Variants in GINS1 observed in about 807,000 individuals in gnomAD.
The protein encoded by GINS1 is GINS complex subunit 1, also known as DNA replication complex GINS protein PSF1.
In GINS1, 26 loss-of-function variants were observed where a neutral mutation model predicts 34.9. The observed-to-expected ratio is 0.74, with a 90% CI of 0.55 to 1.03. The LOEUF (loss-of-function observed/expected upper bound fraction) is 1.03, where lower values mean the gene tolerates loss of function less well. Ranked by LOEUF, GINS1 falls within the 50% of genes least tolerant of loss-of-function variation. GINS1 has a pLI of 0.00. For missense variants in GINS1, 235 were observed against 237.9 expected (o/e 0.99, Z 0.08); for synonymous variants, 97 against 84.4 (o/e 1.15, Z -0.82).
intron 5 of GINS1, among the ~76,000 whole-genome samples, chr20:25,439,321 G>A (rs1245385983): frequency 6.6e-6 from 1 of 152,038 alleles, no homozygotes; most frequent in Non-Finnish European, 1.5e-5. Flanking sequence ...GGAAACTCAG[G>A]GACAAAGGAA....
intron 2 of GINS1, among the ~76,000 whole-genome samples, chr20:25,414,916 G>T (rs555639189): frequency 6.6e-5 from 10 of 152,268 alleles, no homozygotes; most frequent in Admixed American, 2.0e-4. Flanking sequence ...GTCCAGAGAG[G>T]TGACTAGATT....
intron 4 of GINS1, among the ~76,000 whole-genome samples, chr20:25,421,346 A>C (rs1191749794): frequency 6.6e-6 from 1 of 152,218 alleles, no homozygotes; most frequent in East Asian, 1.9e-4. Flanking sequence ...GTAAAAGCAG[A>C]GCTAAAATAA....
chr20:25,443,863 T>C (rs866552116), intron 6 of GINS1, among the ~76,000 whole-genome samples: 24 of 152,202 alleles, frequency 1.6e-4, no homozygotes, highest in African/African-American at 4.8e-4. Context: ...AAAGAAACAA[T>C]ATCAGCCACA....
chr20:25,445,850 AT>A, intron 6 of GINS1, 72 bp from the exon 7 acceptor site: 2 of 960,650 alleles, frequency 2.1e-6, no homozygotes. Context: ...CTTTTTAATG[AT>A]ACAAGAAATA....
chr20:25,435,972 C>T (rs1456463444), intron 5 of GINS1, among the ~76,000 whole-genome samples: 2 of 136,002 alleles, frequency 1.5e-5, no homozygotes, highest in Non-Finnish European at 3.2e-5. Flanking sequence ...GCCACCATGC[C>T]CAGCTAATTT....
Position 25,407,987 on chromosome 20 carries a change from C to T in GINS1, c.75+92C>T, listed in dbSNP as rs542459697. The T allele has an allele frequency of 1.7e-5, 15 of 892,396 alleles. No homozygotes were observed. The South Asian group carries it at 1.7e-4, about 10-fold the overall frequency. The allele number at this position is 892,396 out of a possible 1,614,324, so 55.3% of individuals were successfully genotyped here. A position where few individuals can be genotyped will look rare whatever the true frequency, so the allele number is the denominator to read the frequency against. On this transcript the variant is annotated intron_variant, in intron 1 of 6. Transcript: ENST00000262460. ...TCCCCGTCAGGGTTCACTTTCGCAC[C>T]TTGTTCCCTCCGAGCTCCGGAAAAC...
At chr20:25,426,115 A>G (rs975013710) in intron 5 of GINS1, among the ~76,000 whole-genome samples, 12 of 151,394 alleles carry the variant, frequency 7.9e-5, no homozygotes, top group African/African-American at 2.7e-4. Context: ...GTGGAATCAT[A>G]TAGTATTTGT....
intron 6 of GINS1, among the ~76,000 whole-genome samples, chr20:25,444,059 T>C (rs2090498001): frequency 6.6e-6 from 1 of 151,786 alleles, no homozygotes; most frequent in African/African-American, 2.4e-5. Context: ...TCACCCAGGC[T>C]GTAGTGCAGT....
intron 5 of GINS1, among the ~76,000 whole-genome samples, chr20:25,428,936 G>C (rs2090409498): frequency 6.7e-6 from 1 of 148,548 alleles, no homozygotes; most frequent in African/African-American, 2.5e-5. Context: ...GTTTAAATTA[G>C]GGATTTTGGG....
intron 4 of GINS1, among the ~76,000 whole-genome samples, chr20:25,423,452 CTTTTTTTTTTTTTTT>C (rs1159340467): frequency 1.5e-3 from 44 of 30,000 alleles, no homozygotes; most frequent in African/African-American, 3.9e-3. Context: ...TTTTTCTTTT[CTTTTTTTTTTTTTTT>C]TTTTTTTTTT....
chr20:25,414,189 C>CAA (rs58400500), intron 2 of GINS1, among the ~76,000 whole-genome samples: 10,185 of 66,434 alleles, frequency 0.15, 621 homozygotes, highest in Middle Eastern at 0.18. Context: ...ACTCTGTCTC[C>CAA]AAAAAAAAAA....
intron 6 of GINS1, among the ~76,000 whole-genome samples, chr20:25,445,589 C>T: frequency 6.6e-6 from 1 of 152,274 alleles, no homozygotes; most frequent in Non-Finnish European, 1.5e-5. Context: ...CCTCGTGATC[C>T]ACCCGCCTCG....
chr20:25,428,356 A>AT (rs1421923905), intron 5 of GINS1, among the ~76,000 whole-genome samples: 1 of 80,938 alleles, frequency 1.2e-5, no homozygotes, highest in African/African-American at 4.9e-5. Context: ...GTCCAACTTT[A>AT]TTTTTTTGCA....
intron 4 of GINS1, among the ~76,000 whole-genome samples, chr20:25,421,773 A>G (rs1458776844): frequency 6.6e-6 from 1 of 152,076 alleles, no homozygotes; most frequent in Non-Finnish European, 1.5e-5. Flanking sequence ...TGTGAATGAG[A>G]CTGAATGAGG....
At chr20:25,430,822 G>A (rs544628478) in intron 5 of GINS1, among the ~76,000 whole-genome samples, 3 of 152,236 alleles carry the variant, frequency 2.0e-5, no homozygotes, top group Non-Finnish European at 4.4e-5. Context: ...GAGCCACCAT[G>A]CCTGGCCTGT....
intron 5 of GINS1, among the ~76,000 whole-genome samples, chr20:25,427,604 T>G (rs1415580834): frequency 2.0e-5 from 3 of 152,196 alleles, no homozygotes; most frequent in Non-Finnish European, 2.9e-5. Context: ...TTCCTGTGTC[T>G]TCTTTGGAGA....
chr20:25,427,869 AT>A (rs11411051), intron 5 of GINS1, among the ~76,000 whole-genome samples: 59 of 94,270 alleles, frequency 6.3e-4, no homozygotes, highest in African/African-American at 7.8e-4. Context: ...CCAGTTCGTC[AT>A]TTTTTTTTTT....
In GINS1 at chr20:25,410,684, C is replaced by T. The variant is rs1253946301; in HGVS notation, c.75+2789C>T. On this transcript the variant is annotated intron_variant, in intron 1 of 6. Coordinates refer to ENST00000262460, the MANE Select transcript of GINS1 (RefSeq NM_021067.5). Reference sequence around the variant, plus strand: ...TTAAGCAATTCTCCTGCCTCAGCTTCCCTAGTAGCTGGGATTACAGGCGCC... The same window carrying T: ...TTAAGCAATTCTCCTGCCTCAGCTTTCCTAGTAGCTGGGATTACAGGCGCC... 2.0e-5 allele frequency among the ~76,000 whole-genome samples: 3 copies of T among 152,104 alleles called. No homozygotes were observed. The East Asian group carries it at 5.8e-4, about 29-fold the overall frequency.
intron 1 of GINS1, among the ~76,000 whole-genome samples, chr20:25,413,056 A>ATTTTTTTTTTTTTTTTTTTTTTTT (rs753937496): frequency 7.4e-6 from 1 of 135,956 alleles, no homozygotes. Flanking sequence ...TCAGTAGTTC[A>ATTTTTTTTTTTTTTTTTTTTTTTT]TTTTTTTTTT....
Sources: gnomAD v4.1 joint callset for allele counts (sites outside exome capture counted in the v4.1 genomes callset) on GRCh38, gnomAD v4.1.1 for gene constraint, MANE v1.5 for transcripts, NCBI Gene and HGNC (gene_info 2026-07-23, HGNC 2026-07-21) for gene names.